Variants in ERCC8 observed in about 807,000 individuals in gnomAD.
ERCC8 encodes ERCC excision repair 8, CSA ubiquitin ligase complex subunit, also known as DNA excision repair protein ERCC-8.
ERCC8 carries 52 observed loss-of-function variants against 54.9 expected under a neutral mutation model. The ratio of observed to expected loss-of-function variants is 0.95; its 90% CI spans 0.76 to 1.19. The LOEUF is 1.19. Among genes scored for constraint, ERCC8 ranks in the 50% most tolerant of loss-of-function variants. The pLI is 0.00. For missense variants in ERCC8, 514 were observed against 466.1 expected, an observed-to-expected ratio of 1.10 and a Z score of -0.95; for synonymous variants, 146 against 157.2, an observed-to-expected ratio of 0.93 and a Z score of 0.53.
chr5:60,901,247 A>C (rs976413671), intron 7 of ERCC8, among the ~76,000 whole-genome samples: 1 of 151,920 alleles, frequency 6.6e-6, no homozygotes, highest in African/African-American at 2.4e-5. Flanking sequence ...GATCCCTCCT[A>C]CAAGCCTTTT....
At chr5:60,905,485 A>G (rs1049511974) in intron 4 of ERCC8, among the ~76,000 whole-genome samples, 4 of 151,918 alleles carry the variant, frequency 2.6e-5, no homozygotes, top group Non-Finnish European at 4.4e-5. Flanking sequence ...ACATCCTTCC[A>G]CTTGTCAAGA....
chr5:60,933,536 T>C (rs1335622609), intron 1 of ERCC8, among the ~76,000 whole-genome samples: 1 of 152,170 alleles, frequency 6.6e-6, no homozygotes, highest in Admixed American at 6.5e-5. Flanking sequence ...TTCTATCTAC[T>C]ATATATTACT....
chr5:60,880,688 G>A (rs1407480137), intron 11 of ERCC8, among the ~76,000 whole-genome samples: 1 of 152,160 alleles, frequency 6.6e-6, no homozygotes, highest in Admixed American at 6.5e-5. Flanking sequence ...TCATCACGTA[G>A]TTCTCGTGCC....
intron 1 of ERCC8, among the ~76,000 whole-genome samples, chr5:60,944,555 C>G (rs1036075194): frequency 2.0e-5 from 3 of 152,192 alleles, no homozygotes; most frequent in African/African-American, 7.2e-5. Flanking sequence ...GCCTGGCACA[C>G]TGTAGGAATT....
chr5:60,899,940 C>G (rs1317688924), intron 7 of ERCC8, among the ~76,000 whole-genome samples: 1 of 151,488 alleles, frequency 6.6e-6, no homozygotes, highest in Non-Finnish European at 1.5e-5. Context: ...AAAAAAGTAA[C>G]CTTTCTTTTC....
chr5:60,881,859 C>T (rs1485468253), intron 11 of ERCC8, among the ~76,000 whole-genome samples: 1 of 152,112 alleles, frequency 6.6e-6, no homozygotes, highest in African/African-American at 2.4e-5. Context: ...TGCGCTGCAC[C>T]CACTGTCCTG....
rs997521051 is a variant in ERCC8, at chr5:60,871,083, G to A, written c.*3532C>T. Among the ~76,000 whole-genome samples, 4 of 151,990 alleles carry A rather than the reference G, an allele frequency of 2.6e-5. No individual in the cohort carries two copies. The highest frequency in any genetic ancestry group is 1.3e-4 in the Admixed American group (2 of 15,250). On this transcript the variant is annotated 3_prime_UTR_variant, in exon 12 of 12. Coordinates refer to ENST00000676185, the MANE Select transcript of ERCC8 (RefSeq NM_000082.4). ...ACAAAAGGACTACAACCCAAAAATC[G>A]TATACCCAGCTAAACTATCATTTCA...
intron 6 of ERCC8, chr5:60,903,285 T>C (rs1263062934): frequency 1.1e-5 from 2 of 178,122 alleles, no homozygotes; most frequent in Non-Finnish European, 2.4e-5. Context: ...AGAAAAAATG[T>C]ACCTAAATAT....
At chr5:60,882,312 A>T (rs1748261019) in intron 11 of ERCC8, among the ~76,000 whole-genome samples, 1 of 152,214 alleles carries the variant, frequency 6.6e-6, no homozygotes, top group Non-Finnish European at 1.5e-5. Context: ...AAAACAATAT[A>T]TTAATTTAGG....
rs141916749 is a variant in ERCC8, at chr5:60,927,695, C to T, written c.173+1169G>A. On this transcript the variant is annotated intron_variant, in intron 2 of 11. Coordinates refer to ENST00000676185, the MANE Select transcript of ERCC8 (RefSeq NM_000082.4). ...CTGACCAGCATCCAAACCCAAAAGTCAGCTATCTCCTGCTGCTCATGTCTG... is the reference window on the plus strand; with the variant it reads ...CTGACCAGCATCCAAACCCAAAAGTTAGCTATCTCCTGCTGCTCATGTCTG... Among the ~76,000 whole-genome samples the T allele has an allele frequency of 7.2e-3, 1,099 of 152,246 alleles. 10 individuals carry two copies. The highest frequency in any genetic ancestry group is 0.02 in the Middle Eastern group (6 of 294).
chr5:60,900,761 T>C (rs1258216322), intron 7 of ERCC8: 2 of 152,080 alleles, frequency 1.3e-5, no homozygotes, highest in Admixed American at 6.6e-5. Flanking sequence ...CTTTTAACAC[T>C]GATTACTAGG....
At chr5:60,878,982 T>C (rs1291043244) in intron 11 of ERCC8, among the ~76,000 whole-genome samples, 1 of 152,244 alleles carries the variant, frequency 6.6e-6, no homozygotes, top group Non-Finnish European at 1.5e-5. Context: ...TTTAGATCTT[T>C]CCTGCTTTCT....
In ERCC8 at chr5:60,873,674, C is replaced by G. The variant is rs961828659; in HGVS notation, c.*941G>C. On this transcript the variant is annotated 3_prime_UTR_variant, in exon 12 of 12. Coordinates refer to ENST00000676185, the MANE Select transcript of ERCC8 (RefSeq NM_000082.4). ...CCTGAGCGACAGAGTGAAACTCCAT[C>G]TCAGGAAAAAAACAAAAAAACAAAA... 6.6e-6 allele frequency among the ~76,000 whole-genome samples: 1 copy of G among 151,962 alleles called. No homozygotes were observed. The highest frequency in any genetic ancestry group is 2.4e-5 in the African/African-American group (1 of 41,352).
In ERCC8 at chr5:60,874,567, C is replaced by A; in HGVS notation, c.*48G>T. 6.5e-7 allele frequency: 1 copy of A among 1,535,514 alleles called. No homozygotes were observed. Among genetic ancestry groups the A allele is most frequent in the South Asian group, 1.1e-5 (1 of 88,024 alleles). ...ACCATACAGTTGAAAAAAACACAGT[C>A]TCATTTAAAAAGTTTCAGCAGAGAC... On this transcript the variant is annotated 3_prime_UTR_variant, in exon 12 of 12. Transcript: ENST00000676185.
chr5:60,923,973 G>A (rs28407266), intron 2 of ERCC8, among the ~76,000 whole-genome samples: 86,686 of 151,790 alleles, frequency 0.57, 26,014 homozygotes, highest in East Asian at 0.94. Context: ...ACCTTAGAGT[G>A]TACACATGAA....
chr5:60,919,093 G>A (rs1430578115), intron 3 of ERCC8, among the ~76,000 whole-genome samples: 1 of 152,028 alleles, frequency 6.6e-6, no homozygotes, highest in Non-Finnish European at 1.5e-5. Flanking sequence ...ATGAGACGAA[G>A]AGGGAAATTT....
rs55638584 is a variant in ERCC8, at chr5:60,914,789, T to TAA, written c.399+3474_399+3475dup. On this transcript the variant is annotated intron_variant, in intron 4 of 11. Coordinates refer to ENST00000676185, the MANE Select transcript of ERCC8 (RefSeq NM_000082.4). ...GGAACAGGGCAAGACTCTTGTCTCTTAAAAAAAAAAAAAAAAAAAAGGATA... is the reference window on the plus strand; with the variant it reads ...GGAACAGGGCAAGACTCTTGTCTCTTAAAAAAAAAAAAAAAAAAAAAAGGATA... 1.7e-3 allele frequency among the ~76,000 whole-genome samples: 201 copies of TAA among 121,338 alleles called. 1 individual carries two copies. Among genetic ancestry groups the TAA allele is most frequent in the African/African-American group, 2.1e-3 (68 of 31,634 alleles). The allele number at this position is 121,338 out of a possible 152,430, so 79.6% of individuals were successfully genotyped here.
chr5:60,867,819 A>G lies in ERCC8; in HGVS notation c.*6796T>C, dbSNP rs1176498539. Among the ~76,000 whole-genome samples the G allele has an allele frequency of 1.3e-5, 2 of 152,326 alleles. No homozygotes were observed. The highest frequency in any genetic ancestry group is 1.9e-4 in the East Asian group (1 of 5,180). ...AGTACTGTTGCTAATCCTTGCCACA[A>G]TGGATGAAATGAACAAAAGAAAACT... is the stretch of plus-strand genomic sequence containing the variant. On this transcript the variant is annotated 3_prime_UTR_variant, in exon 12 of 12. Coordinates refer to ENST00000676185, the MANE Select transcript of ERCC8 (RefSeq NM_000082.4).
At chr5:60,891,893 C>T in intron 9 of ERCC8, 1 of 468,878 alleles carries the variant, frequency 2.1e-6, no homozygotes, top group East Asian at 5.5e-5. Flanking sequence ...CCCACTGGAA[C>T]TGGTGCTTGG....
Sources: allele counts gnomAD v4.1 joint callset (sites outside exome capture counted in the v4.1 genomes callset), GRCh38; gene constraint gnomAD v4.1.1; transcripts MANE v1.5; gene names NCBI Gene and HGNC (gene_info 2026-07-23, HGNC 2026-07-21).